The following PKNOX2 variants were observed in gnomAD, a reference collection of about 807,000 sequenced individuals.
The protein encoded by PKNOX2 is homeobox protein PKNOX2.
PKNOX2 carries 14 observed loss-of-function variants against 53.1 expected under a neutral mutation model. The observed-to-expected ratio is 0.26, with a 90% CI of 0.17 to 0.41. The LOEUF (loss-of-function observed/expected upper bound fraction) is 0.41. PKNOX2 is among the 10% of genes least tolerant of loss of function. PKNOX2 has a pLI of 1.00. For synonymous variants in PKNOX2, 257 were observed against 242.8 expected, an observed-to-expected ratio of 1.06 and a Z score of -0.54; for missense variants, 496 against 602.8, an observed-to-expected ratio of 0.82 and a Z score of 1.85.
At chr11:125,355,162 G>A (rs1160242980) in intron 4 of PKNOX2, among the ~76,000 whole-genome samples, 2 of 151,910 alleles carry the variant, frequency 1.3e-5, no homozygotes, top group Non-Finnish European at 2.9e-5. Context: ...AGCTACTTGG[G>A]AGGCTGAGGC....
chr11:125,293,465 C>G (rs1292635609), intron 2 of PKNOX2, among the ~76,000 whole-genome samples: 1 of 152,116 alleles, frequency 6.6e-6, no homozygotes, highest in Non-Finnish European at 1.5e-5. Flanking sequence ...TTAGATGTTA[C>G]TTGAATTTCT....
At chr11:125,198,321 T>A (rs1411536908) in intron 1 of PKNOX2, among the ~76,000 whole-genome samples, 4 of 152,148 alleles carry the variant, frequency 2.6e-5, no homozygotes, top group African/African-American at 4.8e-5. Flanking sequence ...ATCCGCTTTT[T>A]GGATAGAAAG....
chr11:125,309,387 A>ATTT (rs67761552), intron 2 of PKNOX2, among the ~76,000 whole-genome samples: 3 of 135,250 alleles, frequency 2.2e-5, no homozygotes, highest in Non-Finnish European at 1.6e-5. Context: ...AACAGTACCA[A>ATTT]TTTTTTTTTT....
At chr11:125,262,499 G>T (rs1052764914) in intron 2 of PKNOX2, among the ~76,000 whole-genome samples, 1 of 152,008 alleles carries the variant, frequency 6.6e-6, no homozygotes, top group South Asian at 2.1e-4. Context: ...GTGTGTTTGC[G>T]CTAGGTCACT....
intron 6 of PKNOX2, among the ~76,000 whole-genome samples, chr11:125,388,667 C>G (rs1365548595): frequency 6.6e-6 from 1 of 152,040 alleles, no homozygotes; most frequent in South Asian, 2.1e-4. Context: ...CCCCAACAAG[C>G]CCCGCATTTG....
intron 1 of PKNOX2, among the ~76,000 whole-genome samples, chr11:125,167,956 G>C (rs534863948): frequency 6.6e-6 from 1 of 152,188 alleles, no homozygotes; most frequent in Non-Finnish European, 1.5e-5. Context: ...GTTCATTCTC[G>C]TGTTGCCTTT....
chr11:125,196,985 G>C (rs1047033290), intron 1 of PKNOX2, among the ~76,000 whole-genome samples: 1 of 152,226 alleles, frequency 6.6e-6, no homozygotes, highest in Admixed American at 6.5e-5. Flanking sequence ...AGCCGTAAGC[G>C]ATGTGGCTAC....
At chr11:125,188,992 C>T (rs1591474400) in intron 1 of PKNOX2, among the ~76,000 whole-genome samples, 2 of 152,150 alleles carry the variant, frequency 1.3e-5, no homozygotes, top group East Asian at 3.9e-4. Flanking sequence ...CAGGACACCG[C>T]AGGAGTTGCT....
At chr11:125,409,382 C>G (rs1039002936) in intron 7 of PKNOX2, among the ~76,000 whole-genome samples, 1 of 152,124 alleles carries the variant, frequency 6.6e-6, no homozygotes, top group Non-Finnish European at 1.5e-5. Context: ...CCGTGCTGGT[C>G]GGCAGTGTGG....
At chr11:125,320,960 C>T (rs963008656) in intron 2 of PKNOX2, among the ~76,000 whole-genome samples, 20 of 152,302 alleles carry the variant, frequency 1.3e-4, no homozygotes, top group East Asian at 7.7e-4. Flanking sequence ...AAAATTACTC[C>T]AGTTTGGATG....
intron 2 of PKNOX2, among the ~76,000 whole-genome samples, chr11:125,257,763 G>C (rs1490979632): frequency 2.6e-5 from 4 of 152,160 alleles, no homozygotes; most frequent in Admixed American, 1.3e-4. Flanking sequence ...CTACCATTCT[G>C]TCTCCTGTCT....
At chr11:125,330,936 G>A (rs1035049975) in intron 2 of PKNOX2, among the ~76,000 whole-genome samples, 12 of 152,306 alleles carry the variant, frequency 7.9e-5, no homozygotes, top group South Asian at 4.1e-4. Flanking sequence ...TACCTCTGGC[G>A]TAGGGCAGGC....
chr11:125,244,602 G>A (rs1010125012), intron 2 of PKNOX2, among the ~76,000 whole-genome samples: 3 of 152,240 alleles, frequency 2.0e-5, no homozygotes, highest in African/African-American at 7.2e-5. Context: ...AGTGCCAGGG[G>A]GCTGGGAGGC....
At chr11:125,242,570 GA>G (rs2135609782) in intron 2 of PKNOX2, among the ~76,000 whole-genome samples, 1 of 152,240 alleles carries the variant, frequency 6.6e-6, no homozygotes, top group African/African-American at 2.4e-5. Context: ...CTGGTGGGGG[GA>G]CATCAGGGGT....
At chr11:125,263,329 G>A (rs560747999) in intron 2 of PKNOX2, among the ~76,000 whole-genome samples, 12 of 152,352 alleles carry the variant, frequency 7.9e-5, no homozygotes, top group Admixed American at 2.0e-4. Flanking sequence ...AGCAGTGGGG[G>A]AAGCCGCATG....
At chr11:125,227,302 C>T (rs903758617) in intron 1 of PKNOX2, among the ~76,000 whole-genome samples, 1 of 152,140 alleles carries the variant, frequency 6.6e-6, no homozygotes, top group Non-Finnish European at 1.5e-5. Context: ...GCAACCATCA[C>T]TGCCATCCAT....
At chr11:125,242,614 C>A (rs529050234) in intron 2 of PKNOX2, among the ~76,000 whole-genome samples, 2 of 151,862 alleles carry the variant, frequency 1.3e-5, no homozygotes, top group Admixed American at 6.5e-5. Context: ...GGGGATAGAG[C>A]AGCCCAGGGG....
intron 2 of PKNOX2, among the ~76,000 whole-genome samples, chr11:125,264,791 T>G (rs1945175091): frequency 6.6e-6 from 1 of 151,964 alleles, no homozygotes; most frequent in Non-Finnish European, 1.5e-5. Flanking sequence ...GGAGTAGTTC[T>G]AAGCCCCCTA....
intron 2 of PKNOX2, among the ~76,000 whole-genome samples, chr11:125,300,488 C>T (rs1947971865): frequency 1.3e-5 from 2 of 152,124 alleles, no homozygotes; most frequent in Non-Finnish European, 2.9e-5. Flanking sequence ...AGATTTAAGC[C>T]CTGGCATTTT....
Sources: allele counts gnomAD v4.1 joint callset (sites outside exome capture counted in the v4.1 genomes callset), GRCh38; gene constraint gnomAD v4.1.1; transcripts MANE v1.5; gene names NCBI Gene and HGNC (gene_info 2026-07-23, HGNC 2026-07-21).